ZFHX3: variants seen among roughly 807,000 people sequenced by gnomAD.
ZFHX3 encodes zinc finger homeobox 3, also known as zinc finger homeobox protein 3.
ZFHX3 carries 42 observed loss-of-function variants against 279.1 expected under a neutral mutation model. The observed-to-expected ratio is 0.15, with a 90% CI of 0.12 to 0.19. The LOEUF (loss-of-function observed/expected upper bound fraction) is 0.19, where lower values mean the gene tolerates loss of function less well. Among genes scored for constraint, ZFHX3 ranks in the 10% least tolerant of loss-of-function variants. The probability of loss-of-function intolerance (pLI) is 1.00; values close to 1 mark genes in which losing one functional copy is unlikely to be tolerated. For missense variants in ZFHX3, 4,981 were observed against 4,754.0 expected (o/e 1.05, Z -1.40); for synonymous variants, 2,293 against 1,957.8 (o/e 1.17, Z -4.52).
chr16:73,541,558 T>C (rs756126316), intron 2 of ZFHX3, among the ~76,000 whole-genome samples: 7 of 151,826 alleles, frequency 4.6e-5, no homozygotes, highest in Non-Finnish European at 7.4e-5. Flanking sequence ...AGGAATCCAA[T>C]TCTATTTATT....
intron 2 of ZFHX3, among the ~76,000 whole-genome samples, chr16:73,611,026 A>C (rs1349126629): frequency 1.3e-5 from 2 of 152,220 alleles, no homozygotes; most frequent in Non-Finnish European, 2.9e-5. Context: ...AACAGCTGAA[A>C]CATCTACTCA....
intron 2 of ZFHX3, among the ~76,000 whole-genome samples, chr16:73,472,579 T>C (rs2018688704): frequency 6.6e-6 from 1 of 152,168 alleles, no homozygotes; most frequent in Non-Finnish European, 1.5e-5. Context: ...TATTTACCAC[T>C]CCAGACTCAC....
chr16:72,933,382 A>T (rs1256295489), intron 3 of ZFHX3, among the ~76,000 whole-genome samples: 1 of 152,192 alleles, frequency 6.6e-6, no homozygotes, highest in Non-Finnish European at 1.5e-5. Flanking sequence ...AAGCTTCTAC[A>T]CAGTGGAGCC....
intron 5 of ZFHX3, among the ~76,000 whole-genome samples, chr16:73,244,885 C>T (rs1173944092): frequency 6.6e-6 from 1 of 152,188 alleles, no homozygotes; most frequent in Non-Finnish European, 1.5e-5. Flanking sequence ...GATGTGAACA[C>T]ATGTGACATC....
At chr16:73,524,595 C>A (rs974565858) in intron 2 of ZFHX3, among the ~76,000 whole-genome samples, 5 of 152,200 alleles carry the variant, frequency 3.3e-5, no homozygotes, top group Non-Finnish European at 7.3e-5. Context: ...AATTCCAGCA[C>A]TCAACGCATC....
At chr16:72,896,869 A>T (rs747702673) in intron 3 of ZFHX3, among the ~76,000 whole-genome samples, 5 of 152,234 alleles carry the variant, frequency 3.3e-5, no homozygotes, top group Non-Finnish European at 7.3e-5. Flanking sequence ...ATTCTGACAC[A>T]CACACACAAA....
intron 3 of ZFHX3, among the ~76,000 whole-genome samples, chr16:72,891,597 TC>T (rs1356790756): frequency 1.3e-5 from 2 of 152,078 alleles, no homozygotes; most frequent in Admixed American, 1.3e-4. Context: ...AGGGAAACAC[TC>T]CCCAAAAGCT....
At chr16:72,912,454 G>C (rs2039342758) in intron 3 of ZFHX3, among the ~76,000 whole-genome samples, 1 of 152,202 alleles carries the variant, frequency 6.6e-6, no homozygotes, top group African/African-American at 2.4e-5. Context: ...TTATGGAAGA[G>C]CCAAAATACA....
At chr16:72,858,829 A>C (rs1165992719) in intron 4 of ZFHX3, among the ~76,000 whole-genome samples, 1 of 152,240 alleles carries the variant, frequency 6.6e-6, no homozygotes, top group Non-Finnish European at 1.5e-5. Flanking sequence ...CAGGCCCTGC[A>C]GCGGGTCAGG....
At chr16:73,547,941 C>A (rs572877900) in intron 2 of ZFHX3, among the ~76,000 whole-genome samples, 1 of 152,346 alleles carries the variant, frequency 6.6e-6, no homozygotes, top group East Asian at 1.9e-4. Context: ...TCTTTATATG[C>A]TTGAAGCAAA....
Position 72,958,718 on chromosome 16 carries a change from C to T in ZFHX3, c.1428G>A (p.Glu476=), listed in dbSNP as rs756686229. ...EEEEEEAEEE[E]EEEEEEEEEE... is the part of the protein sequence containing the mutation. ...CCTCTTCTTCCTCCTCCTCTTCTTCCTCCTCCTCCTCCGCCTCTTCCTCCT... is the reference window on the plus strand; with the variant it reads ...CCTCTTCTTCCTCCTCCTCTTCTTCTTCCTCCTCCTCCGCCTCTTCCTCCT... The change falls in exon 2 of 10, where the codon GAG becomes GAA. Residue 476 remains glutamate, a synonymous_variant. Coordinates refer to ENST00000268489, the MANE Select transcript of ZFHX3 (RefSeq NM_006885.4). 2 of 1,611,786 alleles carry T rather than the reference C, an allele frequency of 1.2e-6. No homozygotes were observed.
intron 3 of ZFHX3, among the ~76,000 whole-genome samples, chr16:72,917,214 C>A (rs955682372): frequency 6.6e-6 from 1 of 152,222 alleles, no homozygotes; most frequent in South Asian, 2.1e-4. Context: ...GCACTCCAGA[C>A]TGGGTGACAG....
At chr16:73,486,871 C>T (rs192261337) in intron 2 of ZFHX3, 99 of 455,948 alleles carry the variant, frequency 2.2e-4, no homozygotes, top group African/African-American at 4.0e-5. Flanking sequence ...AGCAAGACCA[C>T]TTCAACTCTT....
rs1260942336 is a variant in ZFHX3, at chr16:72,784,264, C to A, written c.*2900G>T. On this transcript the variant is annotated 3_prime_UTR_variant, in exon 10 of 10. Transcript: ENST00000268489. ...ATAGTAGCTCCATGAAAAAAAAAAA[C>A]AAAAACAAAAACAAAAACCCAAACC... 5.2e-4 allele frequency: 75 copies of A among 144,502 alleles called. No individual in the cohort carries two copies. The highest frequency in any genetic ancestry group is 6.4e-4 in the Non-Finnish European group (42 of 65,992). 9.0% of individuals were successfully genotyped at this position (144,502 alleles called of 1,614,324 possible).
chr16:73,275,409 T>C (rs1646403226), intron 4 of ZFHX3, among the ~76,000 whole-genome samples: 1 of 145,336 alleles, frequency 6.9e-6, no homozygotes, highest in Non-Finnish European at 1.5e-5. Flanking sequence ...CTTCGGGTGG[T>C]CATGACTGCT....
intron 3 of ZFHX3, among the ~76,000 whole-genome samples, chr16:73,415,295 T>C (rs950234388): frequency 7.9e-5 from 12 of 152,334 alleles, no homozygotes; most frequent in African/African-American, 2.2e-4. Flanking sequence ...ATTTTTAGTC[T>C]TGAGGTCTGC....
intron 4 of ZFHX3, among the ~76,000 whole-genome samples, chr16:72,836,429 C>T (rs2037194072): frequency 6.6e-6 from 1 of 152,134 alleles, no homozygotes; most frequent in Non-Finnish European, 1.5e-5. Flanking sequence ...GCTAGATGCC[C>T]GAGAGGTAAC....
At chr16:73,760,009 G>GTTC (rs2053847126) in intron 1 of ZFHX3, among the ~76,000 whole-genome samples, 1 of 145,022 alleles carries the variant, frequency 6.9e-6, no homozygotes, top group Non-Finnish European at 1.5e-5. Context: ...TCCAGGAGCT[G>GTTC]TTTTTTTTTA....
At chr16:73,055,798 G>C (rs1463212152) in intron 1 of ZFHX3, among the ~76,000 whole-genome samples, 1 of 148,976 alleles carries the variant, frequency 6.7e-6, no homozygotes, top group Non-Finnish European at 1.5e-5. Context: ...ACACCACTGA[G>C]AGCCTGAACT....
Sources: gnomAD v4.1 joint callset for allele counts (sites outside exome capture counted in the v4.1 genomes callset) on GRCh38, gnomAD v4.1.1 for gene constraint, MANE v1.5 for transcripts, NCBI Gene and HGNC (gene_info 2026-07-23, HGNC 2026-07-21) for gene names.